Variants in LTF observed in about 807,000 individuals in gnomAD.
LTF encodes the protein lactotransferrin.
LTF carries 91 observed loss-of-function variants against 87.2 expected under a neutral mutation model. The observed-to-expected ratio is 1.04, with a 90% CI of 0.88 to 1.24. The LOEUF is 1.24. Among genes scored for constraint, LTF ranks in the 50% most tolerant of loss-of-function variants. The pLI is 0.00. For missense variants in LTF, 901 were observed against 904.3 expected, an observed-to-expected ratio of 1.00 and a Z score of 0.05; for synonymous variants, 378 against 356.1, an observed-to-expected ratio of 1.06 and a Z score of -0.69.
intron 1 of LTF, among the ~76,000 whole-genome samples, chr3:46,462,771 G>T (rs2106902406): frequency 6.6e-6 from 1 of 152,258 alleles, no homozygotes; most frequent in East Asian, 1.9e-4. Flanking sequence ...TCTGAGTGGA[G>T]AGAGGGGACA....
chr3:46,460,496 T>C (rs1323899594), intron 1 of LTF: 2 of 448,596 alleles, frequency 4.5e-6, no homozygotes, highest in African/African-American at 2.0e-5. Flanking sequence ...ATACTGGTTC[T>C]TCTTTTGAGC....
chr3:46,473,651 T>A (rs892812208), intron 1 of LTF, among the ~76,000 whole-genome samples: 1 of 152,202 alleles, frequency 6.6e-6, no homozygotes, highest in East Asian at 1.9e-4. Flanking sequence ...ATTCTTTGGA[T>A]CTGGGCTGTA....
At chr3:46,446,405 A>G (rs1381417310) in intron 11 of LTF, 35 bp downstream of exon 11, 2 of 1,582,802 alleles carry the variant, frequency 1.3e-6, no homozygotes, top group Non-Finnish European at 1.7e-6. Flanking sequence ...ACAAGAACTT[A>G]TCCTTGACCC....
At chr3:46,480,831 G>A (rs1353667526) in intron 1 of LTF, among the ~76,000 whole-genome samples, 1 of 152,168 alleles carries the variant, frequency 6.6e-6, no homozygotes, top group East Asian at 1.9e-4. Flanking sequence ...ACCTAGGAGA[G>A]AAGTCTCAAG....
intron 1 of LTF, among the ~76,000 whole-genome samples, chr3:46,481,331 AG>A (rs1703429411): frequency 6.6e-6 from 1 of 152,206 alleles, no homozygotes; most frequent in Admixed American, 6.5e-5. Context: ...CCAAGATAGG[AG>A]GACAAAGTAC....
intron 1 of LTF, among the ~76,000 whole-genome samples, chr3:46,462,430 T>G (rs1331747886): frequency 1.3e-5 from 2 of 152,158 alleles, no homozygotes; most frequent in Non-Finnish European, 2.9e-5. Context: ...TTTAACTAGT[T>G]ATGTGGCTTG....
At chr3:46,483,695 G>T (rs1434804512) in intron 1 of LTF, among the ~76,000 whole-genome samples, 1 of 152,126 alleles carries the variant, frequency 6.6e-6, no homozygotes, top group Non-Finnish European at 1.5e-5. Context: ...GATTTGGGTG[G>T]TGATTACACA....
intron 12 of LTF, among the ~76,000 whole-genome samples, chr3:46,444,990 T>C (rs1183166405): frequency 6.6e-6 from 1 of 152,202 alleles, no homozygotes. Flanking sequence ...GTAAAAAGCA[T>C]TTGCACATCT....
At chr3:46,463,678 C>G (rs1347716641) in intron 1 of LTF, 1 of 984,446 alleles carries the variant, frequency 1.0e-6, no homozygotes, top group African/African-American at 1.7e-5. Flanking sequence ...GGACCACAGC[C>G]CATGACCACT....
chr3:46,479,798 G>A (rs1703409219), intron 1 of LTF, among the ~76,000 whole-genome samples: 1 of 152,238 alleles, frequency 6.6e-6, no homozygotes, highest in African/African-American at 2.4e-5. Context: ...AAAATGCTGG[G>A]ATTACAGGCG....
At chr3:46,479,485 G>A (rs1196126619) in intron 1 of LTF, among the ~76,000 whole-genome samples, 2 of 150,930 alleles carry the variant, frequency 1.3e-5, no homozygotes, top group Non-Finnish European at 2.9e-5. Flanking sequence ...GCAGTGACCT[G>A]GGAGAGAGAT....
chr3:46,452,588 C>A (rs951246481), intron 6 of LTF, among the ~76,000 whole-genome samples: 32 of 152,230 alleles, frequency 2.1e-4, no homozygotes, highest in African/African-American at 7.7e-4. Context: ...CATTCTCTCT[C>A]TCTTCCTCTC....
chr3:46,454,269 G>C, intron 6 of LTF, 36 bp downstream of exon 6: 1 of 1,594,254 alleles, frequency 6.3e-7, no homozygotes, highest in East Asian at 2.2e-5. Context: ...TAAGATAAAA[G>C]GGGTCAGTAC....
chr3:46,465,560 C>T (rs919557114), upstream of LTF, among the ~76,000 whole-genome samples: 5 of 151,776 alleles, frequency 3.3e-5, no homozygotes, highest in African/African-American at 1.2e-4. Flanking sequence ...TTCTTATTTG[C>T]CAATGAGAAA....
chr3:46,468,302 G>T, upstream of LTF: 1 of 456,712 alleles, frequency 2.2e-6, no homozygotes, highest in Non-Finnish European at 4.4e-6. Context: ...CCAGGAGTTG[G>T]GTCAGATCTC....
At chr3:46,463,436 C>G (rs978014752) in intron 1 of LTF, 2 of 984,860 alleles carry the variant, frequency 2.0e-6, no homozygotes, top group Non-Finnish European at 2.4e-6. Context: ...CCAGCTGGCC[C>G]CACTCACCCA....
At chr3:46,462,178 C>T (rs1255191146) in intron 1 of LTF, among the ~76,000 whole-genome samples, 1 of 152,206 alleles carries the variant, frequency 6.6e-6, no homozygotes, top group African/African-American at 2.4e-5. Context: ...TGGATGCCTG[C>T]TGTACAAACA....
At chr3:46,457,510 C>T (rs144408869) in intron 2 of LTF, among the ~76,000 whole-genome samples, 98 of 152,304 alleles carry the variant, frequency 6.4e-4, no homozygotes, top group African/African-American at 2.2e-3. Context: ...CCCGGGCTGC[C>T]GTTGCCATTC....
intron 8 of LTF, among the ~76,000 whole-genome samples, chr3:46,449,226 G>T (rs1329816399): frequency 6.6e-6 from 1 of 152,158 alleles, no homozygotes; most frequent in African/African-American, 2.4e-5. Context: ...TCCCACTTCT[G>T]TTCCTTTGGA....
Sources: allele counts gnomAD v4.1 joint callset (sites outside exome capture counted in the v4.1 genomes callset), GRCh38; gene constraint gnomAD v4.1.1; transcripts MANE v1.5; gene names NCBI Gene and HGNC (gene_info 2026-07-23, HGNC 2026-07-21).